Variants in E2F5 observed in about 807,000 individuals in gnomAD.
E2F5 encodes the protein transcription factor E2F5.
Under a neutral mutation model 39.1 loss-of-function variants are expected in E2F5, and 23 were observed. That is an observed-to-expected ratio of 0.59 (90% CI 0.42 to 0.83). The LOEUF is 0.83. E2F5 is among the 40% of genes least tolerant of loss of function. The probability of loss-of-function intolerance (pLI) is 0.00; values close to 1 mark genes in which losing one functional copy is unlikely to be tolerated. For synonymous variants in E2F5, 145 were observed against 157.8 expected (o/e 0.92, Z 0.61); for missense variants, 365 against 406.7 (o/e 0.90, Z 0.88).
chr8:85,190,559 A>C (rs1455749391), intron 1 of E2F5, among the ~76,000 whole-genome samples: 1 of 123,556 alleles, frequency 8.1e-6, no homozygotes, highest in African/African-American at 3.2e-5. Context: ...GTTGAAGTGC[A>C]GTGGTGTGAT....
At chr8:85,208,330 A>G (rs961082800) in intron 5 of E2F5, among the ~76,000 whole-genome samples, 1 of 152,168 alleles carries the variant, frequency 6.6e-6, no homozygotes, top group African/African-American at 2.4e-5. Flanking sequence ...CTCTGTATCA[A>G]AACAACAACA....
At chr8:85,181,476 G>T (rs1399202767) in intron 1 of E2F5, among the ~76,000 whole-genome samples, 2 of 148,358 alleles carry the variant, frequency 1.3e-5, no homozygotes, top group Non-Finnish European at 3.0e-5. Context: ...GACTACAGGC[G>T]CCCGCCACCA....
intron 1 of E2F5, chr8:85,201,903 A>T: frequency 2.0e-6 from 1 of 495,368 alleles, no homozygotes; most frequent in Non-Finnish European, 3.5e-6. Context: ...TTATTTTTGC[A>T]GGCTTTGTGT....
At chr8:85,190,744 T>A (rs1023604525) in intron 1 of E2F5, among the ~76,000 whole-genome samples, 2 of 152,044 alleles carry the variant, frequency 1.3e-5, no homozygotes, top group Non-Finnish European at 2.9e-5. Context: ...CCTCAAGTGA[T>A]CTGCCCGCCT....
At chr8:85,200,108 G>T (rs892166650) in intron 1 of E2F5, among the ~76,000 whole-genome samples, 1 of 152,096 alleles carries the variant, frequency 6.6e-6, no homozygotes, top group Non-Finnish European at 1.5e-5. Context: ...TTAGCCAGTC[G>T]TGGTGGTACA....
chr8:85,208,598 C>T (rs1041070108), intron 5 of E2F5, among the ~76,000 whole-genome samples: 5 of 152,074 alleles, frequency 3.3e-5, no homozygotes, highest in Non-Finnish European at 4.4e-5. Flanking sequence ...TTCCCCCACC[C>T]GCTTATTAAA....
intron 4 of E2F5, 114 bp from the exon 5 acceptor site, chr8:85,207,310 AG>A (rs1812819458): frequency 1.3e-6 from 1 of 760,010 alleles, no homozygotes; most frequent in Admixed American, 3.1e-5. Flanking sequence ...TCAAAGCTCA[AG>A]GTCACCTAGT....
At chr8:85,179,952 G>A (rs527325543) in intron 1 of E2F5, among the ~76,000 whole-genome samples, 14 of 149,604 alleles carry the variant, frequency 9.4e-5, no homozygotes, top group Admixed American at 1.3e-4. Flanking sequence ...GAGCCACCGC[G>A]CCCGGCCAAA....
intron 1 of E2F5, among the ~76,000 whole-genome samples, chr8:85,184,159 A>G (rs1015344134): frequency 3.9e-5 from 6 of 152,250 alleles, no homozygotes; most frequent in African/African-American, 1.4e-4. Context: ...GCAGCACATC[A>G]AAAAGCTTAT....
chr8:85,207,333 C>A, intron 4 of E2F5, 92 bp from the exon 5 acceptor site: 1 of 1,135,154 alleles, frequency 8.8e-7, no homozygotes, highest in South Asian at 1.5e-5. Flanking sequence ...TGGGATTGAA[C>A]CAAACACTCT....
In E2F5 at chr8:85,177,676, G is replaced by C. The variant is rs566213690; in HGVS notation, c.234+22G>C. 1.1e-4 allele frequency: 143 copies of C among 1,265,514 alleles called. 1 individual carries two copies. The South Asian group carries it at 3.2e-3, about 29-fold the overall frequency. The allele number at this position is 1,265,514 out of a possible 1,614,324, so 78.4% of individuals were successfully genotyped here. ...AGCGGTGAGCTCCGGAGGCGGGGAC[G>C]GGGGCGGACTTCGGAACCCGTGGCC... is the stretch of plus-strand genomic sequence containing the variant. On this transcript the variant is annotated intron_variant, in intron 1 of 7. Coordinates refer to ENST00000416274, the MANE Select transcript of E2F5 (RefSeq NM_001951.4).
intron 1 of E2F5, among the ~76,000 whole-genome samples, chr8:85,186,661 TATG>T (rs1812343601): frequency 6.8e-6 from 1 of 147,776 alleles, no homozygotes; most frequent in Non-Finnish European, 1.5e-5. Flanking sequence ...ATGGTGTATA[TATG>T]GTATATATGT....
rs150541948 is a variant in E2F5, at chr8:85,204,630, C to A, written c.506+1375C>A. Among the ~76,000 whole-genome samples, 634 of 151,568 alleles carry A rather than the reference C, an allele frequency of 4.2e-3. 3 individuals carry two copies. Among genetic ancestry groups the A allele is most frequent in the Middle Eastern group, 0.02 (6 of 294 alleles). ...TTGGGTGCAGCACGCCAACATGGCA[C>A]ATGTATACATATGTAACAAACCTGC... On this transcript the variant is annotated intron_variant, in intron 3 of 7. Coordinates refer to ENST00000416274, the MANE Select transcript of E2F5 (RefSeq NM_001951.4).
chr8:85,193,803 C>G (rs956051955), intron 1 of E2F5, among the ~76,000 whole-genome samples: 1 of 152,144 alleles, frequency 6.6e-6, no homozygotes, highest in Admixed American at 6.5e-5. Context: ...TTGCATGTAC[C>G]AATGGTTCAT....
At chr8:85,190,463 C>T (rs1195513751) in intron 1 of E2F5, among the ~76,000 whole-genome samples, 1 of 146,436 alleles carries the variant, frequency 6.8e-6, no homozygotes, top group African/African-American at 2.5e-5. Context: ...GTCAAAGTTG[C>T]TAATCAGCTG....
rs1813025518 is a variant in E2F5 at position 85,214,052 on chromosome 8, G to C, written c.*190G>C. 1.7e-6 allele frequency: 1 copy of C among 595,020 alleles called. No homozygotes were observed. Among genetic ancestry groups the C allele is most frequent in the East Asian group, 3.1e-5 (1 of 32,484 alleles). The allele number at this position is 595,020 out of a possible 1,614,324, so 36.9% of individuals were successfully genotyped here. Reference sequence around the variant, plus strand: ...AAAACAAAGGGCTCTGATTGCTTTAGGGGATAAGTGATTTAATATCCACAA... The same window carrying C: ...AAAACAAAGGGCTCTGATTGCTTTACGGGATAAGTGATTTAATATCCACAA... On this transcript the variant is annotated 3_prime_UTR_variant, in exon 8 of 8. Coordinates refer to ENST00000416274, the MANE Select transcript of E2F5 (RefSeq NM_001951.4).
chr8:85,178,724 G>T (rs1190938219), intron 1 of E2F5, among the ~76,000 whole-genome samples: 1 of 152,182 alleles, frequency 6.6e-6, no homozygotes, highest in Non-Finnish European at 1.5e-5. Flanking sequence ...TCAAGGCTCT[G>T]CATAAAGCAG....
At chr8:85,207,397 G>A in intron 4 of E2F5, 28 bp from the exon 5 acceptor site, 1 of 1,542,170 alleles carries the variant, frequency 6.5e-7, no homozygotes, top group Non-Finnish European at 8.8e-7. Context: ...AGTATTTTAT[G>A]TAACTTTTTA....
chr8:85,206,805 G>A lies in E2F5; in HGVS notation c.550+585G>A, dbSNP rs4150953. ...ATTATAGCACAAGTAAAATGAAATT[G>A]TGCATATTTAAATTTATGTGTATTA... On this transcript the variant is annotated intron_variant, in intron 4 of 7. Coordinates refer to ENST00000416274, the MANE Select transcript of E2F5 (RefSeq NM_001951.4). Among the ~76,000 whole-genome samples the A allele has an allele frequency of 2.8e-3, 426 of 152,246 alleles. 3 individuals carry two copies. Among genetic ancestry groups the A allele is most frequent in the African/African-American group, 9.8e-3 (409 of 41,538 alleles).
Sources: allele counts gnomAD v4.1 joint callset (sites outside exome capture counted in the v4.1 genomes callset), GRCh38; gene constraint gnomAD v4.1.1; transcripts MANE v1.5; gene names NCBI Gene and HGNC (gene_info 2026-07-23, HGNC 2026-07-21).